CSMD1: variants seen among roughly 807,000 people sequenced by gnomAD.
CSMD1 encodes the protein CUB and sushi domain-containing protein 1.
CSMD1 carries 213 observed loss-of-function variants against 417.5 expected under a neutral mutation model. The observed-to-expected ratio is 0.51, with a 90% CI of 0.46 to 0.57. The LOEUF (loss-of-function observed/expected upper bound fraction) is 0.57. Among genes scored for constraint, CSMD1 ranks in the 20% least tolerant of loss-of-function variants. CSMD1 has a pLI of 0.00. For missense variants in CSMD1, 6,923 were observed against 4,529.7 expected (o/e 1.53, Z -15.17); for synonymous variants, 2,862 against 1,736.8 (o/e 1.65, Z -16.11).
At chr8:4,386,632 G>A (rs1047847462) in intron 3 of CSMD1, among the ~76,000 whole-genome samples, 1 of 152,210 alleles carries the variant, frequency 6.6e-6, no homozygotes, top group Non-Finnish European at 1.5e-5. Flanking sequence ...ACCCTGGCAA[G>A]CCATGGGAGT....
intron 5 of CSMD1, among the ~76,000 whole-genome samples, chr8:3,815,568 G>T (rs182671920): frequency 1.3e-5 from 2 of 150,634 alleles, no homozygotes; most frequent in East Asian, 1.9e-4. Context: ...AAAAAATACT[G>T]CTTTGAAATT....
chr8:3,376,004 A>C (rs1810280051), intron 18 of CSMD1, among the ~76,000 whole-genome samples: 1 of 151,998 alleles, frequency 6.6e-6, no homozygotes, highest in African/African-American at 2.4e-5. Context: ...TTTTTCTCCA[A>C]CTTCTTTATC....
intron 7 of CSMD1, among the ~76,000 whole-genome samples, chr8:3,632,054 G>C (rs1212014691): frequency 6.6e-6 from 1 of 152,158 alleles, no homozygotes; most frequent in African/African-American, 2.4e-5. Context: ...ACATAAGAAA[G>C]TAATTGTTTT....
intron 5 of CSMD1, among the ~76,000 whole-genome samples, chr8:3,912,116 T>C (rs749760897): frequency 6.6e-6 from 1 of 152,206 alleles, no homozygotes; most frequent in Non-Finnish European, 1.5e-5. Context: ...TGTCCAATTC[T>C]GAGACTGATT....
chr8:4,375,209 C>T (rs573936315), intron 3 of CSMD1, among the ~76,000 whole-genome samples: 17 of 152,064 alleles, frequency 1.1e-4, no homozygotes, highest in Admixed American at 2.6e-4. Flanking sequence ...TCTTTGCCCA[C>T]GGGGATAGAT....
chr8:4,761,033 G>T (rs764557745), intron 1 of CSMD1, among the ~76,000 whole-genome samples: 1 of 152,136 alleles, frequency 6.6e-6, no homozygotes, highest in Non-Finnish European at 1.5e-5. Flanking sequence ...AGAATACACA[G>T]TATGTTGTAT....
At chr8:4,956,378 T>C (rs899590544) in intron 1 of CSMD1, among the ~76,000 whole-genome samples, 3 of 150,604 alleles carry the variant, frequency 2.0e-5, no homozygotes, top group Non-Finnish European at 4.4e-5. Context: ...TAGGATGATA[T>C]AAGATGTATA....
chr8:3,272,877 A>G (rs1015430220), intron 26 of CSMD1, among the ~76,000 whole-genome samples: 1 of 150,292 alleles, frequency 6.7e-6, no homozygotes, highest in Non-Finnish European at 1.5e-5. Flanking sequence ...TCGTCTGCAA[A>G]CAGGGACAAT....
intron 8 of CSMD1, among the ~76,000 whole-genome samples, chr8:3,616,230 G>C (rs1270348521): frequency 1.3e-5 from 2 of 152,158 alleles, no homozygotes; most frequent in East Asian, 1.9e-4. Flanking sequence ...GGACCGGTGA[G>C]AGGCAATTGA....
At chr8:3,991,835 G>T (rs1053949853) in intron 5 of CSMD1, among the ~76,000 whole-genome samples, 19 of 152,086 alleles carry the variant, frequency 1.2e-4, no homozygotes, top group African/African-American at 4.6e-4. Flanking sequence ...CTTTTTGGAT[G>T]GTTGAATATT....
intron 10 of CSMD1, among the ~76,000 whole-genome samples, chr8:3,506,919 C>G (rs1367146345): frequency 6.6e-6 from 1 of 152,098 alleles, no homozygotes; most frequent in Non-Finnish European, 1.5e-5. Flanking sequence ...TTGGCAACAT[C>G]ACTTAATAAA....
At chr8:4,393,217 C>T (rs1247341664) in intron 3 of CSMD1, among the ~76,000 whole-genome samples, 1 of 152,006 alleles carries the variant, frequency 6.6e-6, no homozygotes, top group Admixed American at 6.5e-5. Flanking sequence ...CTAAATTGAT[C>T]TACCCACATC....
Position 3,434,427 on chromosome 8 carries a change from G to C in CSMD1, c.1562-24822C>G, listed in dbSNP as rs1310113878. Among the ~76,000 whole-genome samples, 4 of 152,070 alleles carry C rather than the reference G, an allele frequency of 2.6e-5. No individual in the cohort carries two copies. The East Asian group carries it at 5.8e-4, about 22-fold the overall frequency. ...AAGAGTTCCAGTTAATTCAATATTTGCTTATTCCATACAAGCCTATATTAA... is the reference window on the plus strand; with the variant it reads ...AAGAGTTCCAGTTAATTCAATATTTCCTTATTCCATACAAGCCTATATTAA... On this transcript the variant is annotated intron_variant, in intron 12 of 69. Transcript: ENST00000635120.
chr8:3,616,344 C>G (rs1019230064), intron 8 of CSMD1, among the ~76,000 whole-genome samples: 2 of 152,130 alleles, frequency 1.3e-5, no homozygotes, highest in African/African-American at 2.4e-5. Context: ...GCTCATTCTT[C>G]TCCTTCCTGT....
chr8:4,588,217 T>G lies in CSMD1; in HGVS notation c.302+49125A>C, dbSNP rs117634737. ...ATATTTAAATAGAGAAGAAATATAT[T>G]GCTGGTGTTGATTACAACTCAATGG... On this transcript the variant is annotated intron_variant, in intron 2 of 69. Coordinates refer to ENST00000635120, the MANE Select transcript of CSMD1 (RefSeq NM_033225.6). Among the ~76,000 whole-genome samples the G allele has an allele frequency of 7.4e-3, 1,128 of 152,158 alleles. 38 individuals carry two copies. Among genetic ancestry groups the G allele is most frequent in the Admixed American group, 0.058 (893 of 15,278 alleles).
chr8:4,006,889 G>A (rs2740967), intron 4 of CSMD1, among the ~76,000 whole-genome samples: 82,790 of 143,122 alleles, frequency 0.58, 24,203 homozygotes, highest in South Asian at 0.73. Context: ...GTGCAGTGGC[G>A]TGATCTCGGC....
chr8:4,181,672 T>C (rs1000822061), intron 3 of CSMD1, among the ~76,000 whole-genome samples: 13 of 152,182 alleles, frequency 8.5e-5, no homozygotes, highest in South Asian at 6.2e-4. Flanking sequence ...CAGAATAATA[T>C]TGACTCAATT....
intron 26 of CSMD1, among the ~76,000 whole-genome samples, chr8:3,250,656 C>G (rs887092218): frequency 2.4e-4 from 36 of 152,224 alleles, no homozygotes; most frequent in Non-Finnish European, 4.3e-4. Context: ...AATCATTGAA[C>G]TAGTTTATGG....
chr8:4,878,676 G>T (rs1296862098), intron 1 of CSMD1, among the ~76,000 whole-genome samples: 1 of 151,812 alleles, frequency 6.6e-6, no homozygotes, highest in Non-Finnish European at 1.5e-5. Flanking sequence ...AATGTGTAGG[G>T]TCTTATATTC....
Sources: gnomAD v4.1 joint callset for allele counts (sites outside exome capture counted in the v4.1 genomes callset) on GRCh38, gnomAD v4.1.1 for gene constraint, MANE v1.5 for transcripts, NCBI Gene and HGNC (gene_info 2026-07-23, HGNC 2026-07-21) for gene names.